CYP27C1: variants seen among roughly 807,000 people sequenced by gnomAD.
The protein encoded by CYP27C1 is cytochrome P450 27C1.
Under a neutral mutation model 40.6 loss-of-function variants are expected in CYP27C1, and 29 were observed. That is an observed-to-expected ratio of 0.71 (90% CI 0.53 to 0.97). The LOEUF is 0.97. Among genes scored for constraint, CYP27C1 ranks in the 50% least tolerant of loss-of-function variants. The pLI, the probability that CYP27C1 is intolerant of heterozygous loss-of-function variation, is 0.00. For synonymous variants in CYP27C1, 198 were observed against 186.8 expected, an observed-to-expected ratio of 1.06 and a Z score of -0.49; for missense variants, 390 against 485.8, an observed-to-expected ratio of 0.80 and a Z score of 1.85.
chr2:127,187,411 G>A lies in CYP27C1; in HGVS notation c.1498-24C>T, dbSNP rs200572436. On this transcript the variant is annotated intron_variant, in intron 8 of 8. Transcript: ENST00000664447. The stretch of plus-strand genomic sequence containing the variant: ...AACTAAGAAGAGAAAGAGAGAGAAG[G>A]GGTCAGAATTGGAACAGCAGAAAAT... 3.8e-6 allele frequency: 6 copies of A among 1,598,236 alleles called. No homozygotes were observed. In the African/African-American group the frequency reaches 6.7e-5, roughly 18 times the overall value.
intron 2 of CYP27C1, among the ~76,000 whole-genome samples, chr2:127,204,441 AAAGAAAGAAAG>A (rs1264483028): frequency 5.1e-4 from 4 of 7,894 alleles, no homozygotes; most frequent in African/African-American, 1.2e-3. Flanking sequence ...AAAGAAAGAA[AAAGAAAGAAAG>A]AAAGAAAGAA....
intron 3 of CYP27C1, among the ~76,000 whole-genome samples, chr2:127,202,255 T>G (rs13024732): frequency 0.24 from 36,961 of 151,674 alleles, 4,869 homozygotes; most frequent in South Asian, 0.39. Flanking sequence ...CTCCCAAGTC[T>G]CTGGGATTAC....
chr2:127,190,345 T>A (rs1308983691), intron 8 of CYP27C1, among the ~76,000 whole-genome samples: 1 of 132,226 alleles, frequency 7.6e-6, no homozygotes, highest in Non-Finnish European at 1.6e-5. Flanking sequence ...TTTTTTTCTT[T>A]TTTTTTTTTT....
intron 2 of CYP27C1, among the ~76,000 whole-genome samples, chr2:127,203,846 A>G (rs1322304839): frequency 6.6e-6 from 1 of 152,148 alleles, no homozygotes; most frequent in African/African-American, 2.4e-5. Context: ...AAGTAATACG[A>G]CTTCCTTTAA....
rs4662710 is a variant in CYP27C1 at position 127,219,241 on chromosome 2, C to G, written c.282+748G>C. Among the ~76,000 whole-genome samples, 61,999 of 151,938 alleles carry G rather than the reference C, an allele frequency of 0.41. 13,541 individuals are homozygous for G. The highest frequency in any genetic ancestry group is 0.62 in the East Asian group (3,197 of 5,130). ...ACCTAGCGCTCCCCTCGGGCCGGCC[C>G]CAGGCAGCAGCCCCCCTCAGCCCCA... On this transcript the variant is annotated intron_variant, in intron 1 of 8. Transcript: ENST00000664447. The surrounding 1 kb of genome is among the most constrained non-coding windows in gnomAD (Gnocchi z 8.7).
chr2:127,211,369 GTTT>G (rs371826841), intron 1 of CYP27C1, among the ~76,000 whole-genome samples: 3 of 94,974 alleles, frequency 3.2e-5, no homozygotes, highest in African/African-American at 1.3e-4. Context: ...GTGTTTTTTT[GTTT>G]TTTTTTTTTT....
chr2:127,203,942 A>G (rs1327007374), intron 2 of CYP27C1, among the ~76,000 whole-genome samples: 37 of 151,920 alleles, frequency 2.4e-4, no homozygotes, highest in Admixed American at 2.3e-3. Context: ...ACATATGTAT[A>G]TATAAATGAA....
intron 8 of CYP27C1, among the ~76,000 whole-genome samples, chr2:127,192,093 C>T (rs79682199): frequency 0.015 from 2,289 of 152,318 alleles, 53 homozygotes; most frequent in African/African-American, 0.053. Context: ...TTCTGCCCAG[C>T]TCCGGTCTCC....
At position 127,196,688 on chromosome 2, in the gene CYP27C1, T is replaced by C. The variant is rs1328182888; in HGVS notation, c.1048-1187A>G. On this transcript the variant is annotated intron_variant, in intron 5 of 8. Coordinates refer to ENST00000664447, the MANE Select transcript of CYP27C1 (RefSeq NM_001367502.1). This position sits in a 1 kb window ranked among gnomAD's most constrained non-coding sequence, Gnocchi z 4.5. ...ACTTAGATGCTTCCTATCAAGAGAA[T>C]AGAAAATTTCTATTTAGATCACATT... Among the ~76,000 whole-genome samples the C allele has an allele frequency of 1.3e-5, 2 of 152,194 alleles. No individual in the cohort carries two copies. Among genetic ancestry groups the C allele is most frequent in the African/African-American group, 2.4e-5 (1 of 41,458 alleles).
At chr2:127,189,619 AT>A (rs1265092524) in intron 8 of CYP27C1, among the ~76,000 whole-genome samples, 6 of 88,194 alleles carry the variant, frequency 6.8e-5, no homozygotes, top group African/African-American at 1.3e-4. Context: ...TTAAAGTAAA[AT>A]TAAAAAAAAA....
intron 8 of CYP27C1, among the ~76,000 whole-genome samples, chr2:127,187,798 A>G (rs1682665481): frequency 6.6e-6 from 1 of 152,226 alleles, no homozygotes; most frequent in Non-Finnish European, 1.5e-5. Flanking sequence ...CTGAAACTGC[A>G]GACACTTCAG....
At chr2:127,217,086 C>T (rs1683444046) in intron 1 of CYP27C1, among the ~76,000 whole-genome samples, 1 of 152,192 alleles carries the variant, frequency 6.6e-6, no homozygotes, top group African/African-American at 2.4e-5. Flanking sequence ...AAATGGGCCA[C>T]TCCTCAAGCA....
rs1297968801 is a variant in CYP27C1, at chr2:127,219,253, C to T, written c.282+736G>A. On this transcript the variant is annotated intron_variant, in intron 1 of 8. Coordinates refer to ENST00000664447, the MANE Select transcript of CYP27C1 (RefSeq NM_001367502.1). This position sits in a 1 kb window ranked among gnomAD's most constrained non-coding sequence, Gnocchi z 8.7. ...CCTCGGGCCGGCCCCAGGCAGCAGC[C>T]CCCCTCAGCCCCAACTCCGCGGGTC... Among the ~76,000 whole-genome samples the T allele has an allele frequency of 1.3e-5, 2 of 152,238 alleles. No homozygotes were observed. Among genetic ancestry groups the T allele is most frequent in the East Asian group, 3.9e-4 (2 of 5,172 alleles).
chr2:127,190,342 C>CTTTTTTTTTTTTTTTTT (rs1241035422), intron 8 of CYP27C1, among the ~76,000 whole-genome samples: 7 of 96,642 alleles, frequency 7.2e-5, no homozygotes, highest in Non-Finnish European at 1.1e-4. Context: ...TTTTTTTTTT[C>CTTTTTTTTTTTTTTTTT]TTTTTTTTTT....
At chr2:127,192,867 G>A (rs56409904) in intron 8 of CYP27C1, among the ~76,000 whole-genome samples, 58,777 of 152,044 alleles carry the variant, frequency 0.39, 12,017 homozygotes, top group East Asian at 0.56. Flanking sequence ...CTGGAGTGCC[G>A]TGGTGTGATC....
chr2:127,189,781 A>G (rs1202162243), intron 8 of CYP27C1, among the ~76,000 whole-genome samples: 1 of 152,210 alleles, frequency 6.6e-6, no homozygotes, highest in Non-Finnish European at 1.5e-5. Context: ...CTCTAGGCAG[A>G]CCATCCTTGC....
At chr2:127,202,030 GCTTT>G (rs1366520551) in intron 3 of CYP27C1, among the ~76,000 whole-genome samples, 2 of 151,244 alleles carry the variant, frequency 1.3e-5, no homozygotes, top group Non-Finnish European at 2.9e-5. Context: ...TTGAAGGTAA[GCTTT>G]TTTTAAAAAA....
At chr2:127,199,160 G>A (rs372600804) in intron 5 of CYP27C1, among the ~76,000 whole-genome samples, 32 of 152,292 alleles carry the variant, frequency 2.1e-4, no homozygotes, top group African/African-American at 6.7e-4. Flanking sequence ...GGTGGCGGGC[G>A]CCTGTAATCC....
chr2:127,217,407 G>A (rs942572544), intron 1 of CYP27C1, among the ~76,000 whole-genome samples: 2 of 152,164 alleles, frequency 1.3e-5, no homozygotes, highest in East Asian at 1.9e-4. Flanking sequence ...AATACTGATC[G>A]TTATTATTTG....
Sources: allele counts gnomAD v4.1 joint callset (sites outside exome capture counted in the v4.1 genomes callset), GRCh38; gene constraint gnomAD v4.1.1; non-coding constraint Gnocchi (gnomAD v3.1); transcripts MANE v1.5; gene names NCBI Gene and HGNC (gene_info 2026-07-23, HGNC 2026-07-21).